The following RERE variants were observed in gnomAD, a reference collection of about 807,000 sequenced individuals.
RERE encodes arginine-glutamic acid dipeptide repeats.
In RERE, 40 loss-of-function variants were observed where a neutral mutation model predicts 146.1. That is an observed-to-expected ratio of 0.27 (90% CI 0.21 to 0.36). RERE has a LOEUF of 0.36. RERE is among the 10% of genes least tolerant of loss of function. The probability of loss-of-function intolerance (pLI) is 1.00; values close to 1 mark genes in which losing one functional copy is unlikely to be tolerated. For synonymous variants in RERE, 1,003 were observed against 866.0 expected, an observed-to-expected ratio of 1.16 and a Z score of -2.78; for missense variants, 1,933 against 2,138.7, an observed-to-expected ratio of 0.90 and a Z score of 1.90.
intron 2 of RERE, among the ~76,000 whole-genome samples, chr1:8,625,794 T>C (rs1646967289): frequency 6.6e-6 from 1 of 152,176 alleles, no homozygotes; most frequent in Admixed American, 6.5e-5. Context: ...ACTAAGATGA[T>C]CAGGAAGAAA....
At chr1:8,450,033 G>T (rs1255059009) in intron 11 of RERE, among the ~76,000 whole-genome samples, 1 of 152,074 alleles carries the variant, frequency 6.6e-6, no homozygotes, top group African/African-American at 2.4e-5. Flanking sequence ...AAGTTAATTT[G>T]CTTATTTGTC....
chr1:8,696,511 G>A (rs1360157089), intron 1 of RERE, among the ~76,000 whole-genome samples: 6 of 152,174 alleles, frequency 3.9e-5, no homozygotes, highest in African/African-American at 7.2e-5. Context: ...CTACTCAGGA[G>A]GCTGAGGCAA....
intron 1 of RERE, among the ~76,000 whole-genome samples, chr1:8,659,576 A>G (rs1437463596): frequency 2.0e-5 from 3 of 152,198 alleles, no homozygotes; most frequent in African/African-American, 4.8e-5. Context: ...AACAAACAAA[A>G]AACGATCAGC....
chr1:8,788,188 TAAGCC>T (rs1641293088), intron 1 of RERE, among the ~76,000 whole-genome samples: 1 of 151,908 alleles, frequency 6.6e-6, no homozygotes, highest in Admixed American at 6.6e-5. Flanking sequence ...AAAATGGAAA[TAAGCC>T]AAGTGCCCAA....
At chr1:8,367,190 A>G (rs533738026) in intron 12 of RERE, among the ~76,000 whole-genome samples, 6 of 152,194 alleles carry the variant, frequency 3.9e-5, no homozygotes, top group Non-Finnish European at 7.3e-5. Context: ...AAACCAAACA[A>G]AGACATGTAG....
intron 2 of RERE, among the ~76,000 whole-genome samples, chr1:8,654,498 T>C (rs139749521): frequency 4.0e-4 from 61 of 152,306 alleles, no homozygotes; most frequent in African/African-American, 1.3e-3. Context: ...CAGAAAAACA[T>C]AAAAATGGGC....
intron 11 of RERE, among the ~76,000 whole-genome samples, chr1:8,429,500 G>A (rs560101670): frequency 2.6e-5 from 4 of 152,308 alleles, no homozygotes; most frequent in East Asian, 1.9e-4. Context: ...TCATTCTGGC[G>A]TCATCCCAGG....
chr1:8,525,697 G>A (rs1645562030), intron 7 of RERE: 1 of 1,500,538 alleles, frequency 6.7e-7, no homozygotes, highest in Non-Finnish European at 9.0e-7. Flanking sequence ...AACACCTTCA[G>A]AAGTGAGAAA....
intron 2 of RERE, among the ~76,000 whole-genome samples, chr1:8,651,877 T>C (rs539021312): frequency 1.9e-4 from 29 of 152,186 alleles, no homozygotes; most frequent in African/African-American, 6.7e-4. Context: ...TGTAATATAA[T>C]GGCATGTAGT....
intron 4 of RERE, among the ~76,000 whole-genome samples, chr1:8,567,065 T>C (rs1047716266): frequency 6.6e-6 from 1 of 152,150 alleles, no homozygotes; most frequent in Non-Finnish European, 1.5e-5. Flanking sequence ...CTGGGATTTC[T>C]GGTGTGAGGC....
intron 3 of RERE, among the ~76,000 whole-genome samples, chr1:8,616,163 C>G (rs1646850631): frequency 6.6e-6 from 1 of 152,244 alleles, no homozygotes; most frequent in South Asian, 2.1e-4. Flanking sequence ...GCCCAAACCA[C>G]TCAAATCCTT....
rs563491590 is a variant in RERE, at chr1:8,654,030, T to G, written c.325+1943A>C. Reference sequence around the variant, plus strand: ...TCTGTATTAAGTTCTAGCACTGACTTTTTTTTTTTTTGCGGGGGGGAGGGG... The same window carrying G: ...TCTGTATTAAGTTCTAGCACTGACTGTTTTTTTTTTTGCGGGGGGGAGGGG... On this transcript the variant is annotated intron_variant, in intron 2 of 22. Transcript: ENST00000400908. Among the ~76,000 whole-genome samples the G allele has an allele frequency of 2.9e-5, 4 of 137,118 alleles. No individual in the cohort carries two copies. In the South Asian group the frequency reaches 8.5e-4, roughly 29 times the overall value. The allele number at this position is 137,118 out of a possible 152,430, so 90.0% of individuals were successfully genotyped here.
intron 1 of RERE, among the ~76,000 whole-genome samples, chr1:8,679,922 C>T (rs754553763): frequency 4.6e-5 from 7 of 152,100 alleles, no homozygotes; most frequent in Non-Finnish European, 8.8e-5. Flanking sequence ...AGAGAGGAAG[C>T]GGGAAAGAAC....
intron 11 of RERE, among the ~76,000 whole-genome samples, chr1:8,434,108 G>GT (rs1329718848): frequency 6.6e-6 from 1 of 152,114 alleles, no homozygotes; most frequent in African/African-American, 2.4e-5. Flanking sequence ...TTAAATCATT[G>GT]TTTTATTCCA....
At chr1:8,733,947 A>G (rs1197454153) in intron 1 of RERE, among the ~76,000 whole-genome samples, 1 of 152,128 alleles carries the variant, frequency 6.6e-6, no homozygotes, top group Non-Finnish European at 1.5e-5. Flanking sequence ...ACTAAAAGAC[A>G]CAAAAATTAG....
chr1:8,723,788 T>G (rs1469045105), intron 1 of RERE, among the ~76,000 whole-genome samples: 1 of 152,228 alleles, frequency 6.6e-6, no homozygotes, highest in African/African-American at 2.4e-5. Context: ...ACAGTTCGGC[T>G]CTTTCAGTAT....
chr1:8,603,954 A>AAAAG (rs796514105), intron 4 of RERE, among the ~76,000 whole-genome samples: 29 of 151,540 alleles, frequency 1.9e-4, no homozygotes, highest in African/African-American at 7.0e-4. Flanking sequence ...AAAAAAAAGA[A>AAAAG]AAGAAAAAAG....
In RERE at chr1:8,652,043, T is replaced by A. The variant is rs558113344; in HGVS notation, c.325+3930A>T. ...TAAAGAACAGACAATATTTAACAAATACTCATTTAGAGAAAAAGCTGTTTG... is the reference window on the plus strand; with the variant it reads ...TAAAGAACAGACAATATTTAACAAAAACTCATTTAGAGAAAAAGCTGTTTG... On this transcript the variant is annotated intron_variant, in intron 2 of 22. Coordinates refer to ENST00000400908, the MANE Select transcript of RERE (RefSeq NM_001042681.2). 3.9e-5 allele frequency among the ~76,000 whole-genome samples: 6 copies of A among 152,286 alleles called. No individual in the cohort carries two copies. In the South Asian group the frequency reaches 1.2e-3, roughly 32 times the overall value.
chr1:8,748,068 A>T (rs1171807756), intron 1 of RERE, among the ~76,000 whole-genome samples: 2 of 152,076 alleles, frequency 1.3e-5, no homozygotes, highest in African/African-American at 4.8e-5. Flanking sequence ...GTGAGCCACC[A>T]CGCCCGGCCA....
Sources: gnomAD v4.1 joint callset for allele counts (sites outside exome capture counted in the v4.1 genomes callset) on GRCh38, gnomAD v4.1.1 for gene constraint, MANE v1.5 for transcripts, NCBI Gene and HGNC (gene_info 2026-07-23, HGNC 2026-07-21) for gene names.